Variants in SLFN13 observed in about 807,000 individuals in gnomAD.
SLFN13 encodes schlafen-13.
SLFN13 carries 43 observed loss-of-function variants against 50.6 expected under a neutral mutation model. The ratio of observed to expected loss-of-function variants is 0.85; its 90% CI spans 0.67 to 1.09. The LOEUF is 1.09. SLFN13 is among the 50% of genes least tolerant of loss of function. The pLI, the probability that SLFN13 is intolerant of heterozygous loss-of-function variation, is 0.00. For synonymous variants in SLFN13, 339 were observed against 386.5 expected, an observed-to-expected ratio of 0.88 and a Z score of 1.44; for missense variants, 881 against 1,071.1, an observed-to-expected ratio of 0.82 and a Z score of 2.48.
Position 35,435,127 on chromosome 17 carries a change from G to A in SLFN13, c.*5468C>T, listed in dbSNP as rs1912611432. 1 of 152,004 alleles carries A rather than the reference G, an allele frequency of 6.6e-6. No individual in the cohort carries two copies. Among genetic ancestry groups the A allele is most frequent in the Admixed American group, 6.5e-5 (1 of 15,272 alleles). 9.4% of individuals were successfully genotyped at this position (152,004 alleles called of 1,614,324 possible). On this transcript the variant is annotated 3_prime_UTR_variant, in exon 6 of 6. Transcript: ENST00000285013. ...TTAAATTATGTTTTTATTAACTATT[G>A]AGTAGAAACAATATTTATAGAATAC...
chr17:35,445,148 G>T lies in SLFN13; in HGVS notation c.533C>A (p.Ala178Asp). The T allele has an allele frequency of 6.2e-7, 1 of 1,613,056 alleles. No homozygotes were observed. Among genetic ancestry groups the T allele is most frequent in the South Asian group, 1.1e-5 (1 of 91,074 alleles). Residue 178 changes from alanine to aspartate, a missense_variant, in exon 3 of 6, where the codon GCT becomes GAT. Physicochemically the swap from Ala to Asp is moderately radical, Grantham distance 126. Around this residue, in one of 5 missense-constraint regions of SLFN13, gnomAD observed 497 missense variants for 518.3 expected, o/e 0.96. Coordinates refer to ENST00000285013, the MANE Select transcript of SLFN13 (RefSeq NM_144682.6). The stretch of plus-strand genomic sequence containing the variant: ...TGACTCAGATATGTTCTGGTATACA[G>T]CTTTCATAATTTTACTAGGTGGAGA... The part of the protein sequence containing the change: ...EGSPPSKIMK[A>D]VYQNISESNP...
At position 35,436,361 on chromosome 17, in the gene SLFN13, A is replaced by T. The variant is rs970879155; in HGVS notation, c.*4234T>A. 1 of 152,146 alleles carries T rather than the reference A, an allele frequency of 6.6e-6. No homozygotes were observed. The highest frequency in any genetic ancestry group is 1.5e-5 in the Non-Finnish European group (1 of 68,030). The allele number at this position is 152,146 out of a possible 1,614,324, so 9.4% of individuals were successfully genotyped here. A position where few individuals can be genotyped will look rare whatever the true frequency, so the allele number is the denominator to read the frequency against. ...CCGTTTTATTACTAGTTTATAATGT[A>T]TTTGCATGTGGGGTCAAAGAATGTG... is the stretch of plus-strand genomic sequence containing the variant. On this transcript the variant is annotated 3_prime_UTR_variant, in exon 6 of 6. Coordinates refer to ENST00000285013, the MANE Select transcript of SLFN13 (RefSeq NM_144682.6).
rs1346999253 is a variant in SLFN13 at position 35,442,126 on chromosome 17, C to T, written c.1359G>A (p.Glu453=). 2.5e-6 allele frequency: 4 copies of T among 1,614,258 alleles called. No individual in the cohort carries two copies. Among genetic ancestry groups the T allele is most frequent in the Admixed American group, 1.7e-5 (1 of 60,034 alleles). Residue 453 remains glutamate, a synonymous_variant, in exon 5 of 6, where the codon GAG becomes GAA. Transcript: ENST00000285013. ...GAGCATCACAGATGACTCCTGGCTTCTCCTGCAAGTTCAGGTCCACAGCCC... is the reference window on the plus strand; with the variant it reads ...GAGCATCACAGATGACTCCTGGCTTTTCCTGCAAGTTCAGGTCCACAGCCC... ...RSWAVDLNLQ[E]KPGVICDALL...
chr17:35,448,508 T>C (rs1262626176), intron 1 of SLFN13: 4 of 152,304 alleles, frequency 2.6e-5, no homozygotes, highest in African/African-American at 9.6e-5. Context: ...TTTAGGGAAT[T>C]TGCTCAGCAA....
rs10512469 is a variant in SLFN13 at position 35,443,783 on chromosome 17, C to A, written c.1198+6G>T. On this transcript the variant is annotated splice_donor_region_variant and intron_variant, in intron 4 of 5. Coordinates refer to ENST00000285013, the MANE Select transcript of SLFN13 (RefSeq NM_144682.6). ...CTCTCCTGATGTAAAAACTGGCAGT[C>A]AGTACCTGGAAATAAATGTTGTTGT... 1 of 1,603,464 alleles carries A rather than the reference C, an allele frequency of 6.2e-7. No homozygotes were observed. The highest frequency in any genetic ancestry group is 1.1e-5 in the South Asian group (1 of 89,864).
chr17:35,445,117 A>G lies in SLFN13; in HGVS notation c.564T>C (p.Pro188=). The G allele has an allele frequency of 6.2e-6, 10 of 1,613,566 alleles. No homozygotes were observed. Among genetic ancestry groups the G allele is most frequent in the Non-Finnish European group, 8.5e-6 (10 of 1,180,036 alleles). The change falls in exon 3 of 6, where the codon CCT becomes CCC. Residue 188 remains proline, a synonymous_variant. Coordinates refer to ENST00000285013, the MANE Select transcript of SLFN13 (RefSeq NM_144682.6). ...TGTCAGTTTGGAAAACTTCATATGCAGGATTTGACTCAGATATGTTCTGGT... is the reference window on the plus strand; with the variant it reads ...TGTCAGTTTGGAAAACTTCATATGCGGGATTTGACTCAGATATGTTCTGGT... ...AVYQNISESN[P]AYEVFQTDTI... is the part of the protein sequence containing the mutation.
Position 35,441,062 on chromosome 17 carries a change from G to T in SLFN13, c.2227C>A (p.Gln743Lys). The T allele has an allele frequency of 6.2e-7, 1 of 1,613,794 alleles. No individual in the cohort carries two copies. Among genetic ancestry groups the T allele is most frequent in the South Asian group, 1.1e-5 (1 of 91,082 alleles). Residue 743 changes from glutamine to lysine, a missense_variant, in exon 6 of 6, where the codon CAA becomes AAA. Physicochemically the swap from Gln to Lys is moderately conservative, Grantham distance 53. Around this residue, in one of 5 missense-constraint regions of SLFN13, gnomAD observed 322 missense variants for 327.4 expected, o/e 0.98. Coordinates refer to ENST00000285013, the MANE Select transcript of SLFN13 (RefSeq NM_144682.6). ...NADEIAEYIQ[Q>K]EMQLIIENPP... is the part of the protein sequence containing the mutation. ...TTTTCTATAATTAGTTGCATTTCTT[G>T]TTGTATGTACTCGGCTATTTCATCT...
At position 35,440,122 on chromosome 17, in the gene SLFN13, A is replaced by G. The variant is rs1295667681; in HGVS notation, c.*473T>C. 6.3e-6 allele frequency: 1 copy of G among 157,528 alleles called. No individual in the cohort carries two copies. The highest frequency in any genetic ancestry group is 1.4e-5 in the Non-Finnish European group (1 of 71,670). The allele number at this position is 157,528 out of a possible 1,614,324, so 9.8% of individuals were successfully genotyped here. A position where few individuals can be genotyped will look rare whatever the true frequency, so the allele number is the denominator to read the frequency against. On this transcript the variant is annotated 3_prime_UTR_variant, in exon 6 of 6. Coordinates refer to ENST00000285013, the MANE Select transcript of SLFN13 (RefSeq NM_144682.6). ...ACAGCAAAGATAAATTCAGGAAACA[A>G]CTGCTTCTCCTATGGCCTGTAAGCT...
chr17:35,442,506 C>T (rs1188031574), intron 4 of SLFN13, among the ~76,000 whole-genome samples: 2 of 152,166 alleles, frequency 1.3e-5, no homozygotes, highest in Non-Finnish European at 2.9e-5. Flanking sequence ...TGCAGTGGCC[C>T]GATCTTGGCT....
chr17:35,441,345 T>C lies in SLFN13; in HGVS notation c.1944A>G (p.Ala648=). 4 of 1,606,224 alleles carry C rather than the reference T, an allele frequency of 2.5e-6. No homozygotes were observed. Among genetic ancestry groups the C allele is most frequent in the African/African-American group, 1.3e-5 (1 of 74,078 alleles). The part of the protein sequence containing the change: ...NFISDRNICR[A]ETRETFLREK... ...CTCTTAGGAAAGTTTCCCGGGTCTC[T>C]GCTCGGCAGATATTTCTATCACTGT... Residue 648 remains alanine (A), a synonymous_variant, in exon 6 of 6, where the codon GCA becomes GCG. Coordinates refer to ENST00000285013, the MANE Select transcript of SLFN13 (RefSeq NM_144682.6).
rs145618678 is a variant in SLFN13, at chr17:35,445,334, G to C, written c.347C>G (p.Pro116Arg). 6.2e-7 allele frequency: 1 copy of C among 1,613,618 alleles called. No homozygotes were observed. The highest frequency in any genetic ancestry group is 1.3e-5 in the African/African-American group (1 of 74,864). ...ATTGAAAGAACCATCTTTAAGGAAA[G>C]GATCACCACTCCAAGATTTAACAAA... ...YIFVKSWSGD[P>R]FLKDGSFNSR... Residue 116 changes from proline to arginine, a missense_variant, in exon 3 of 6, where the codon CCT becomes CGT. This residue lies in a region of SLFN13 where 497 missense variants were observed against 518.3 expected (regional missense o/e 0.96). Transcript: ENST00000285013.
rs1385494210 is a variant in SLFN13 at position 35,439,421 on chromosome 17, T to A, written c.*1174A>T. The A allele has an allele frequency of 6.6e-6, 1 of 152,090 alleles. No homozygotes were observed. The highest frequency in any genetic ancestry group is 1.5e-5 in the Non-Finnish European group (1 of 68,034). 9.4% of individuals were successfully genotyped at this position (152,090 alleles called of 1,614,324 possible). On this transcript the variant is annotated 3_prime_UTR_variant, in exon 6 of 6. Transcript: ENST00000285013. ...AAACTTAAGTAGTTATGCTATAGAG[T>A]AATGCATACAGCTACGCTGAGATGT...
upstream of SLFN13, among the ~76,000 whole-genome samples, chr17:35,449,703 A>C (rs1913402990): frequency 6.6e-6 from 1 of 152,146 alleles, no homozygotes; most frequent in Non-Finnish European, 1.5e-5. Flanking sequence ...GCAGGTGTTA[A>C]AGGCTGCGGC....
At chr17:35,449,582 G>C (rs1014179827), upstream of SLFN13, among the ~76,000 whole-genome samples, 1 of 152,208 alleles carries the variant, frequency 6.6e-6, no homozygotes, top group East Asian at 1.9e-4. Context: ...CTGGATTTGT[G>C]GCTCCGCAGA....
chr17:35,441,294 G>A lies in SLFN13; in HGVS notation c.1995C>T (p.Ile665=), dbSNP rs746541594. 16 of 1,613,760 alleles carry A rather than the reference G, an allele frequency of 9.9e-6. No individual in the cohort carries two copies. The highest frequency in any genetic ancestry group is 3.3e-5 in the Admixed American group (2 of 59,992). The change falls in exon 6 of 6, where the codon ATC becomes ATT. Residue 665 remains isoleucine, a synonymous_variant. Transcript: ENST00000285013. ...LREKFEHIQH[I]VIDEAQNFRT... is the part of the protein sequence containing the mutation. ...GGAAATTCTGAGCTTCGTCAATGAC[G>A]ATGTGTTGAATGTGTTCAAATTTTT...
At chr17:35,445,782 C>T in intron 2 of SLFN13, 89 bp from the exon 3 acceptor site, 1 of 1,065,792 alleles carries the variant, frequency 9.4e-7, no homozygotes, top group Admixed American at 2.9e-5. Flanking sequence ...TAAAACGTGT[C>T]TAATATGTGC....
At position 35,440,853 on chromosome 17, in the gene SLFN13, A is replaced by G; in HGVS notation, c.2436T>C (p.Leu812=). The change falls in exon 6 of 6, where the codon CTT becomes CTC. Residue 812 remains leucine, a synonymous_variant. Transcript: ENST00000285013. ...GCTCCACTTCTGTCACGGTGCTGAC[A>G]AGCACAGCAACATCCTTTGGAGAAT... ...RGYSPKDVAV[L]VSTVTEVEQY... is the part of the protein sequence containing the mutation. 2 of 1,614,180 alleles carry G rather than the reference A, an allele frequency of 1.2e-6. No individual in the cohort carries two copies. The highest frequency in any genetic ancestry group is 1.7e-6 in the Non-Finnish European group (2 of 1,180,020).
Position 35,444,722 on chromosome 17 carries a change from C to T in SLFN13, c.959G>A (p.Cys320Tyr). ...GGGAGCTTCCGAGAACACCACACAA[C>T]AGAATGCCTTCACTTTAATCACACA... ...YLCVIKVKAF[C>Y]CVVFSEAPKS... The change falls in exon 3 of 6, where the codon TGT becomes TAT. Residue 320 changes from cysteine (C) to tyrosine (Y), a missense_variant. This residue lies in a region of SLFN13 where 497 missense variants were observed against 518.3 expected (regional missense o/e 0.96). Transcript: ENST00000285013. 1 of 1,614,240 alleles carries T rather than the reference C, an allele frequency of 6.2e-7. No individual in the cohort carries two copies. The highest frequency in any genetic ancestry group is 8.5e-7 in the Non-Finnish European group (1 of 1,180,042).
chr17:35,447,338 T>C lies in SLFN13; in HGVS notation c.-84A>G, dbSNP rs1597811341. ...AACTTTGCTAGAATTCCTTTCTTAA[T>C]GTAACCAGACTTCCCACCAGCACAG... is the stretch of plus-strand genomic sequence containing the variant. On this transcript the variant is annotated 5_prime_UTR_variant, in exon 2 of 6. Coordinates refer to ENST00000285013, the MANE Select transcript of SLFN13 (RefSeq NM_144682.6). The C allele has an allele frequency of 6.6e-6, 1 of 152,194 alleles. No individual in the cohort carries two copies. Among genetic ancestry groups the C allele is most frequent in the Admixed American group, 6.5e-5 (1 of 15,284 alleles). The allele number at this position is 152,194 out of a possible 1,614,324, so 9.4% of individuals were successfully genotyped here.
Sources: gnomAD v4.1 joint callset for allele counts (sites outside exome capture counted in the v4.1 genomes callset) on GRCh38, gnomAD v4.1.1 for gene constraint, gnomAD v4.1.1 regional missense constraint, MANE v1.5 for transcripts, NCBI Gene and HGNC (gene_info 2026-07-23, HGNC 2026-07-21) for gene names.